The following SIK3 variants were observed in gnomAD, a reference collection of about 807,000 sequenced individuals.
The protein encoded by SIK3 is serine/threonine-protein kinase SIK3.
A neutral mutation model predicts 144.2 loss-of-function variants in SIK3; 28 were observed. The observed-to-expected ratio is 0.19, with a 90% CI of 0.14 to 0.27. The LOEUF is 0.27. Among genes scored for constraint, SIK3 ranks in the 10% least tolerant of loss-of-function variants. The pLI, the probability that SIK3 is intolerant of heterozygous loss-of-function variation, is 1.00. For synonymous variants in SIK3, 686 were observed against 676.3 expected (o/e 1.01, Z -0.22); for missense variants, 1,319 against 1,776.0 (o/e 0.74, Z 4.62).
intron 6 of SIK3, among the ~76,000 whole-genome samples, chr11:116,891,222 T>C (rs1945086456): frequency 6.6e-6 from 1 of 152,110 alleles, no homozygotes; most frequent in Admixed American, 6.5e-5. Context: ...GAGGCTGAGG[T>C]GGGAGGACTG....
At chr11:116,868,416 AT>A (rs1263871568) in intron 14 of SIK3, among the ~76,000 whole-genome samples, 1 of 152,210 alleles carries the variant, frequency 6.6e-6, no homozygotes, top group Non-Finnish European at 1.5e-5. Flanking sequence ...ATGTTAATTT[AT>A]TCATCTTTTC....
intron 6 of SIK3, among the ~76,000 whole-genome samples, chr11:116,888,381 C>G (rs956689644): frequency 6.6e-6 from 1 of 152,202 alleles, no homozygotes; most frequent in Admixed American, 6.5e-5. Flanking sequence ...GACTATGCTC[C>G]AGGTCTACTG....
intron 1 of SIK3, among the ~76,000 whole-genome samples, chr11:117,001,269 GC>G (rs899635336): frequency 6.6e-6 from 1 of 152,226 alleles, no homozygotes; most frequent in African/African-American, 2.4e-5. Context: ...ACTTTGGGAG[GC>G]CAAGGCAGGT....
At chr11:116,924,889 A>C (rs186950186) in intron 4 of SIK3, among the ~76,000 whole-genome samples, 2 of 152,330 alleles carry the variant, frequency 1.3e-5, no homozygotes, top group East Asian at 3.9e-4. Context: ...CATCTGTGGC[A>C]TGTTGAATAA....
chr11:117,026,057 A>G (rs540275895), intron 1 of SIK3, among the ~76,000 whole-genome samples: 2 of 152,352 alleles, frequency 1.3e-5, no homozygotes, highest in African/African-American at 2.4e-5. Context: ...TTGATGGTCT[A>G]TCCAAGCCAA....
At chr11:117,020,124 A>G (rs753563422) in intron 1 of SIK3, among the ~76,000 whole-genome samples, 19 of 151,862 alleles carry the variant, frequency 1.3e-4, no homozygotes, top group Non-Finnish European at 2.2e-4. Context: ...GAAACTACAC[A>G]TTCATTTGCT....
chr11:117,021,642 C>T (rs1349085572), intron 1 of SIK3, among the ~76,000 whole-genome samples: 1 of 151,790 alleles, frequency 6.6e-6, no homozygotes, highest in African/African-American at 2.4e-5. Flanking sequence ...CTTTGCTTAC[C>T]ACTATCTTTG....
chr11:116,986,862 T>C (rs1473126254), intron 1 of SIK3, among the ~76,000 whole-genome samples: 1 of 152,116 alleles, frequency 6.6e-6, no homozygotes, highest in East Asian at 1.9e-4. Context: ...TTAGCTGTCA[T>C]AAAGAAGGTC....
rs1052709869 is a variant in SIK3, at chr11:116,869,979, T to G, written c.1808+352A>C. The G allele has an allele frequency of 7.9e-6, 5 of 631,930 alleles. No homozygotes were observed. In the African/African-American group the frequency reaches 9.5e-5, roughly 12 times the overall value. 39.1% of individuals were successfully genotyped at this position (631,930 alleles called of 1,614,324 possible). ...ATCACTGTCATCCCACATCTCCAAT[T>G]CCTTTTCAGTAAACAGTTCTTGGCA... On this transcript the variant is annotated intron_variant, in intron 14 of 24. Coordinates refer to ENST00000445177, the MANE Select transcript of SIK3 (RefSeq NM_001366686.3).
chr11:116,905,998 G>GCAAA (rs1467285240), intron 4 of SIK3, among the ~76,000 whole-genome samples: 1 of 152,150 alleles, frequency 6.6e-6, no homozygotes, highest in Non-Finnish European at 1.5e-5. Context: ...TGTCACTTAT[G>GCAAA]CTTTTGGTGT....
At chr11:116,990,990 C>T (rs184750654) in intron 1 of SIK3, among the ~76,000 whole-genome samples, 233 of 152,324 alleles carry the variant, frequency 1.5e-3, no homozygotes, top group African/African-American at 5.1e-3. Context: ...TACATATTAT[C>T]CCGTTCAATC....
intron 1 of SIK3, among the ~76,000 whole-genome samples, chr11:117,087,987 C>A (rs908326240): frequency 2.6e-5 from 4 of 152,098 alleles, no homozygotes; most frequent in Non-Finnish European, 5.9e-5. Context: ...CCCAACACTT[C>A]GGGAAGCCAA....
chr11:117,024,992 T>C (rs1951950977), intron 1 of SIK3, among the ~76,000 whole-genome samples: 1 of 151,856 alleles, frequency 6.6e-6, no homozygotes, highest in African/African-American at 2.4e-5. Flanking sequence ...AAACAAAACC[T>C]CAAAAGTTTA....
Position 116,927,225 on chromosome 11 carries a change from T to C in SIK3, c.610A>G (p.Ile204Val). 1 of 1,613,712 alleles carries C rather than the reference T, an allele frequency of 6.2e-7. No homozygotes were observed. Among genetic ancestry groups the C allele is most frequent in the Non-Finnish European group, 8.5e-7 (1 of 1,179,682 alleles). ...TCCTCAGTACAGTTCTCACCTGCTA[T>C]TTTGATATTCAGATTGGCATCCAGA... The part of the protein sequence containing the change: ...LLLDANLNIK[I>V]ADFGFSNLFT... The change falls in exon 4 of 25, where the codon ATA becomes GTA. Residue 204 changes from isoleucine to valine, a missense_variant. Around this residue, in one of 8 missense-constraint regions of SIK3, gnomAD observed 125 missense variants for 285.2 expected, o/e 0.44. Coordinates refer to ENST00000445177, the MANE Select transcript of SIK3 (RefSeq NM_001366686.3).
intron 4 of SIK3, among the ~76,000 whole-genome samples, chr11:116,915,585 G>T (rs976031267): frequency 2.6e-5 from 4 of 151,576 alleles, no homozygotes; most frequent in Non-Finnish European, 5.9e-5. Flanking sequence ...ATATAGATAC[G>T]GATATGTGTG....
chr11:117,077,950 C>G (rs549100195), intron 1 of SIK3, among the ~76,000 whole-genome samples: 2 of 152,154 alleles, frequency 1.3e-5, no homozygotes, highest in Non-Finnish European at 2.9e-5. Context: ...TAGGCTTTTT[C>G]AGGAAAGTCT....
At chr11:117,004,406 C>T (rs576358202) in intron 1 of SIK3, among the ~76,000 whole-genome samples, 1 of 152,182 alleles carries the variant, frequency 6.6e-6, no homozygotes, top group African/African-American at 2.4e-5. Flanking sequence ...GTCCCAGCTA[C>T]TCAGGAGGAT....
At chr11:116,920,096 T>G (rs1284115660) in intron 4 of SIK3, among the ~76,000 whole-genome samples, 2 of 151,926 alleles carry the variant, frequency 1.3e-5, no homozygotes, top group East Asian at 3.8e-4. Context: ...AAACATCTAC[T>G]GCTCCTGCCT....
At chr11:116,965,383 T>A (rs1395319539) in intron 1 of SIK3, among the ~76,000 whole-genome samples, 2 of 151,738 alleles carry the variant, frequency 1.3e-5, no homozygotes, top group East Asian at 1.9e-4. Context: ...TTTTTTTTTT[T>A]TAAAAAAAAG....
Sources: allele counts gnomAD v4.1 joint callset (sites outside exome capture counted in the v4.1 genomes callset), GRCh38; gene constraint gnomAD v4.1.1; regional missense constraint gnomAD v4.1.1; transcripts MANE v1.5; gene names NCBI Gene and HGNC (gene_info 2026-07-23, HGNC 2026-07-21).